Variants in CFAP20DC observed in about 807,000 individuals in gnomAD.
CFAP20DC encodes the protein protein CFAP20DC.
A neutral mutation model predicts 101.7 loss-of-function variants in CFAP20DC; 84 were observed. The ratio of observed to expected loss-of-function variants is 0.83; its 90% CI spans 0.69 to 0.99. The LOEUF (loss-of-function observed/expected upper bound fraction) is 0.99, where lower values mean the gene tolerates loss of function less well. Ranked by LOEUF, CFAP20DC falls within the 50% of genes least tolerant of loss-of-function variation. The probability of loss-of-function intolerance (pLI) is 0.00; values close to 1 mark genes in which losing one functional copy is unlikely to be tolerated. For missense variants in CFAP20DC, 1,007 were observed against 970.3 expected (o/e 1.04, Z -0.50); for synonymous variants, 359 against 351.2 (o/e 1.02, Z -0.25).
At chr3:58,752,037 C>T (rs1575548702) in intron 16 of CFAP20DC, among the ~76,000 whole-genome samples, 2 of 152,208 alleles carry the variant, frequency 1.3e-5, no homozygotes, top group South Asian at 2.1e-4. Flanking sequence ...AACTTGAGCC[C>T]ATAATTTTTC....
rs71091398 is a variant in CFAP20DC at position 58,990,754 on chromosome 3, G to GGTGTGTGTGTGTGTGTGT, written c.278+48785_278+48802dup. On this transcript the variant is annotated intron_variant, in intron 4 of 16. Transcript: ENST00000482387. Reference sequence around the variant, plus strand: ...ATTTTCAGATTTAGGATGCTCAGCTGGTGTGTGTGTGTGTGTGTGTGTGTG... The same window carrying GGTGTGTGTGTGTGTGTGT: ...ATTTTCAGATTTAGGATGCTCAGCTGGTGTGTGTGTGTGTGTGTGTGTGTGTGTGTGTGTGTGTGTGTG... Among the ~76,000 whole-genome samples, 331 of 144,030 alleles carry GGTGTGTGTGTGTGTGTGT rather than the reference G, an allele frequency of 2.3e-3. 3 individuals are homozygous for GGTGTGTGTGTGTGTGTGT. The highest frequency in any genetic ancestry group is 8.1e-3 in the African/African-American group (314 of 38,712). 94.5% of individuals were successfully genotyped at this position (144,030 alleles called of 152,430 possible). A position where few individuals can be genotyped will look rare whatever the true frequency, so the allele number is the denominator to read the frequency against.
chr3:58,846,485 C>T (rs2077654691), intron 13 of CFAP20DC, among the ~76,000 whole-genome samples: 1 of 151,996 alleles, frequency 6.6e-6, no homozygotes, highest in Admixed American at 6.6e-5. Context: ...TCAGGGAGAA[C>T]TACAAACCAC....
At chr3:58,895,942 A>C (rs565849149) in intron 6 of CFAP20DC, among the ~76,000 whole-genome samples, 1 of 152,338 alleles carries the variant, frequency 6.6e-6, no homozygotes, top group East Asian at 1.9e-4. Flanking sequence ...CTATTACAAG[A>C]ACAGCACAAG....
chr3:58,853,424 A>T (rs1226137072), intron 12 of CFAP20DC, among the ~76,000 whole-genome samples: 10 of 152,182 alleles, frequency 6.6e-5, no homozygotes, highest in Non-Finnish European at 7.3e-5. Context: ...AACTGGTACC[A>T]TTCCTTCTGA....
chr3:58,876,502 A>G (rs1221239163), intron 7 of CFAP20DC, among the ~76,000 whole-genome samples: 1 of 152,160 alleles, frequency 6.6e-6, no homozygotes, highest in African/African-American at 2.4e-5. Flanking sequence ...AGATTAGATT[A>G]AAGTCATGTT....
chr3:58,783,250 C>T (rs966347199), intron 15 of CFAP20DC, among the ~76,000 whole-genome samples: 1 of 151,810 alleles, frequency 6.6e-6, no homozygotes, highest in Non-Finnish European at 1.5e-5. Context: ...AAACTAGATG[C>T]CTACTTCTCA....
intron 13 of CFAP20DC, among the ~76,000 whole-genome samples, chr3:58,838,632 T>C (rs550934376): frequency 2.2e-4 from 33 of 152,336 alleles, no homozygotes; most frequent in African/African-American, 6.5e-4. Context: ...TATATTTATA[T>C]AGAATAACTT....
intron 4 of CFAP20DC, among the ~76,000 whole-genome samples, chr3:59,034,489 G>A (rs1343727978): frequency 6.6e-6 from 1 of 152,142 alleles, no homozygotes; most frequent in Non-Finnish European, 1.5e-5. Flanking sequence ...AAAATAAAGG[G>A]ATGGAGGAAT....
At chr3:59,044,539 A>G (rs1699686083) in intron 3 of CFAP20DC, among the ~76,000 whole-genome samples, 1 of 152,132 alleles carries the variant, frequency 6.6e-6, no homozygotes, top group Non-Finnish European at 1.5e-5. Context: ...TTCCATTTAA[A>G]AAAGTAATTA....
At chr3:58,956,556 G>T (rs2090647221) in intron 4 of CFAP20DC, among the ~76,000 whole-genome samples, 1 of 152,142 alleles carries the variant, frequency 6.6e-6, no homozygotes, top group Non-Finnish European at 1.5e-5. Context: ...TTTGACTTTA[G>T]TCCCTGGCTC....
intron 14 of CFAP20DC, among the ~76,000 whole-genome samples, chr3:58,814,711 C>T (rs795412): frequency 6.6e-6 from 1 of 150,606 alleles, no homozygotes; most frequent in Non-Finnish European, 1.5e-5. Flanking sequence ...GATACACCAA[C>T]AACAGACAAA....
chr3:58,800,639 A>G (rs2073619138), intron 15 of CFAP20DC, among the ~76,000 whole-genome samples: 1 of 152,168 alleles, frequency 6.6e-6, no homozygotes, highest in Non-Finnish European at 1.5e-5. Context: ...AATATTAGAA[A>G]CTATTATTAA....
intron 4 of CFAP20DC, among the ~76,000 whole-genome samples, chr3:59,005,659 C>G (rs1235055070): frequency 1.3e-5 from 2 of 152,088 alleles, no homozygotes; most frequent in African/African-American, 4.8e-5. Flanking sequence ...CACTATATTT[C>G]TAGACAGACA....
At chr3:58,934,203 C>G (rs1344618352) in intron 5 of CFAP20DC, among the ~76,000 whole-genome samples, 1 of 152,042 alleles carries the variant, frequency 6.6e-6, no homozygotes, top group African/African-American at 2.4e-5. Context: ...ACACATACAC[C>G]CTCCCAAGAC....
chr3:58,945,042 T>C (rs1163603191), intron 4 of CFAP20DC, among the ~76,000 whole-genome samples: 2 of 152,212 alleles, frequency 1.3e-5, no homozygotes, highest in East Asian at 1.9e-4. Context: ...ATGCCAACAA[T>C]GTATTAAGCA....
intron 5 of CFAP20DC, among the ~76,000 whole-genome samples, chr3:58,932,156 T>G (rs929121474): frequency 1.3e-5 from 2 of 152,082 alleles, no homozygotes; most frequent in African/African-American, 4.8e-5. Flanking sequence ...TGCGATCAAC[T>G]GGAAGAAAGG....
At chr3:59,021,118 T>C (rs1156617278) in intron 4 of CFAP20DC, among the ~76,000 whole-genome samples, 3 of 152,164 alleles carry the variant, frequency 2.0e-5, no homozygotes, top group Admixed American at 6.5e-5. Context: ...TAATGTATTA[T>C]AGATGTTCAA....
chr3:59,001,639 G>A lies in CFAP20DC; in HGVS notation c.278+37918C>T, dbSNP rs764200104. On this transcript the variant is annotated intron_variant, in intron 4 of 16. Coordinates refer to ENST00000482387, the MANE Select transcript of CFAP20DC (RefSeq NM_001394063.1). This position sits in a 1 kb window ranked among gnomAD's most constrained non-coding sequence, Gnocchi z 4.5. ...TTGGTCAGGTTGGTCTCGAACTCCC[G>A]ACCTCAGGTGATCCACCTGCCTTGG... is the stretch of plus-strand genomic sequence containing the variant. 1.3e-5 allele frequency among the ~76,000 whole-genome samples: 2 copies of A among 152,178 alleles called. No homozygotes were observed. Among genetic ancestry groups the A allele is most frequent in the Admixed American group, 6.5e-5 (1 of 15,272 alleles).
chr3:58,779,379 T>A (rs1040419442), intron 15 of CFAP20DC, among the ~76,000 whole-genome samples: 1 of 152,042 alleles, frequency 6.6e-6, no homozygotes, highest in African/African-American at 2.4e-5. Context: ...TTATATCAAA[T>A]AGAATAGACT....
Sources: allele counts gnomAD v4.1 joint callset (sites outside exome capture counted in the v4.1 genomes callset), GRCh38; gene constraint gnomAD v4.1.1; non-coding constraint Gnocchi (gnomAD v3.1); transcripts MANE v1.5; gene names NCBI Gene and HGNC (gene_info 2026-07-23, HGNC 2026-07-21).